FSTL5: variants seen among roughly 807,000 people sequenced by gnomAD.
FSTL5 encodes the protein follistatin-related protein 5.
Under a neutral mutation model 89.1 loss-of-function variants are expected in FSTL5, and 62 were observed. That is an observed-to-expected ratio of 0.70 (90% CI 0.57 to 0.86). The LOEUF is 0.86. Ranked by LOEUF, FSTL5 falls within the 40% of genes least tolerant of loss-of-function variation. FSTL5 has a pLI of 0.00. For missense variants in FSTL5, 1,057 were observed against 1,001.6 expected (o/e 1.06, Z -0.75); for synonymous variants, 383 against 346.2 (o/e 1.11, Z -1.18).
At chr4:161,598,299 C>G (rs111647274) in intron 7 of FSTL5, among the ~76,000 whole-genome samples, 2 of 151,820 alleles carry the variant, frequency 1.3e-5, no homozygotes, top group African/African-American at 4.8e-5. Flanking sequence ...AGCTTGAACC[C>G]GGAAGGCAGA....
At chr4:161,473,441 T>TC (rs397996014) in intron 13 of FSTL5, among the ~76,000 whole-genome samples, 1 of 150,494 alleles carries the variant, frequency 6.6e-6, no homozygotes, top group Non-Finnish European at 1.5e-5. Flanking sequence ...TTTTTTTTTT[T>TC]CTGGGACAGA....
At chr4:161,526,650 C>T (rs919049068) in intron 10 of FSTL5, among the ~76,000 whole-genome samples, 3 of 152,198 alleles carry the variant, frequency 2.0e-5, no homozygotes, top group Non-Finnish European at 4.4e-5. Context: ...GATCCAGTTT[C>T]AGCTTTCTAC....
intron 6 of FSTL5, among the ~76,000 whole-genome samples, chr4:161,750,337 A>G (rs1740353319): frequency 6.6e-6 from 1 of 152,164 alleles, no homozygotes; most frequent in Non-Finnish European, 1.5e-5. Context: ...TCCAATTGAG[A>G]TATGCTGTAC....
chr4:161,880,222 G>C (rs1173690071), intron 4 of FSTL5, among the ~76,000 whole-genome samples: 5 of 152,092 alleles, frequency 3.3e-5, no homozygotes, highest in South Asian at 2.1e-4. Flanking sequence ...GGTGTTCCAT[G>C]ATATAGTCAT....
chr4:161,866,742 C>T (rs966964899), intron 4 of FSTL5, among the ~76,000 whole-genome samples: 2 of 151,818 alleles, frequency 1.3e-5, no homozygotes, highest in Non-Finnish European at 2.9e-5. Flanking sequence ...ATTACATACA[C>T]ATTTTTCTGC....
At chr4:161,474,246 C>T (rs1052745273) in intron 13 of FSTL5, among the ~76,000 whole-genome samples, 9 of 152,062 alleles carry the variant, frequency 5.9e-5, no homozygotes, top group East Asian at 1.9e-4. Flanking sequence ...TGATCTCTTT[C>T]GGTTATGTCA....
rs1240997770 is a variant in FSTL5 at position 161,777,065 on chromosome 4, TTACTC to T, written c.410-996_410-992del. Among the ~76,000 whole-genome samples the T allele has an allele frequency of 4.6e-5, 7 of 152,052 alleles. No individual in the cohort carries two copies. In the East Asian group the frequency reaches 1.2e-3, roughly 25 times the overall value. On this transcript the variant is annotated intron_variant, in intron 4 of 15. Transcript: ENST00000306100. Reference sequence around the variant, plus strand: ...TTCCCAACCTCTGGTAACCATCACTTTACTCTACAGCCATGACTTCAATTATTTTT... The same window carrying T: ...TTCCCAACCTCTGGTAACCATCACTTTACAGCCATGACTTCAATTATTTTT...
chr4:162,114,112 T>A (rs1456821735), intron 1 of FSTL5, among the ~76,000 whole-genome samples: 2 of 152,168 alleles, frequency 1.3e-5, no homozygotes, highest in Non-Finnish European at 2.9e-5. Context: ...CAATTCCTAT[T>A]TCCACTGATG....
chr4:161,537,243 G>A (rs1399272467), intron 10 of FSTL5, among the ~76,000 whole-genome samples: 2 of 152,082 alleles, frequency 1.3e-5, no homozygotes, highest in Non-Finnish European at 2.9e-5. Flanking sequence ...TCAGAAAAAT[G>A]GGCCTGTCAA....
intron 15 of FSTL5, among the ~76,000 whole-genome samples, chr4:161,445,831 A>G (rs1732925574): frequency 6.6e-6 from 1 of 152,020 alleles, no homozygotes; most frequent in African/African-American, 2.4e-5. Context: ...AAAGAACTCT[A>G]AAACCTGACA....
intron 6 of FSTL5, among the ~76,000 whole-genome samples, chr4:161,692,017 A>T (rs1001397304): frequency 6.6e-6 from 1 of 152,084 alleles, no homozygotes; most frequent in Non-Finnish European, 1.5e-5. Context: ...AAATACATAT[A>T]TATAATCAAA....
intron 4 of FSTL5, among the ~76,000 whole-genome samples, chr4:161,800,740 T>C (rs1370957549): frequency 6.6e-6 from 1 of 151,614 alleles, no homozygotes; most frequent in Non-Finnish European, 1.5e-5. Flanking sequence ...ACCATGAAAC[T>C]TGTTACCTTA....
chr4:161,545,506 C>A (rs1731974002), intron 8 of FSTL5, among the ~76,000 whole-genome samples: 1 of 152,022 alleles, frequency 6.6e-6, no homozygotes, highest in Middle Eastern at 3.2e-3. Context: ...CCTTACCAGA[C>A]TCCAAAACTT....
At chr4:161,763,426 G>A (rs559835765) in intron 5 of FSTL5, among the ~76,000 whole-genome samples, 1 of 152,212 alleles carries the variant, frequency 6.6e-6, no homozygotes, top group South Asian at 2.1e-4. Context: ...CTGGGATTAG[G>A]GGATGATTTG....
intron 6 of FSTL5, among the ~76,000 whole-genome samples, chr4:161,698,226 G>A (rs1738250473): frequency 1.3e-5 from 2 of 152,084 alleles, no homozygotes; most frequent in African/African-American, 2.4e-5. Flanking sequence ...GAATCTGCTG[G>A]CACCTCGATC....
At chr4:161,862,030 ACCC>A (rs1731933001) in intron 4 of FSTL5, among the ~76,000 whole-genome samples, 1 of 152,170 alleles carries the variant, frequency 6.6e-6, no homozygotes, top group Admixed American at 6.5e-5. Context: ...GATCAAATTA[ACCC>A]TCAATGGGAA....
intron 4 of FSTL5, among the ~76,000 whole-genome samples, chr4:161,906,055 C>A (rs1035181180): frequency 6.6e-6 from 1 of 152,070 alleles, no homozygotes; most frequent in Non-Finnish European, 1.5e-5. Flanking sequence ...CAGTTGGAAT[C>A]AAATCTTCAC....
At chr4:161,703,610 G>A (rs1225225169) in intron 6 of FSTL5, among the ~76,000 whole-genome samples, 4 of 151,924 alleles carry the variant, frequency 2.6e-5, no homozygotes, top group Non-Finnish European at 5.9e-5. Flanking sequence ...TGCCTTATGG[G>A]ACAATGACTC....
At chr4:162,072,317 A>G (rs971154782) in intron 2 of FSTL5, among the ~76,000 whole-genome samples, 3 of 151,832 alleles carry the variant, frequency 2.0e-5, no homozygotes, top group Non-Finnish European at 4.4e-5. Flanking sequence ...CACACAGAAC[A>G]AAGATAAAAT....
Sources: gnomAD v4.1 joint callset for allele counts (sites outside exome capture counted in the v4.1 genomes callset) on GRCh38, gnomAD v4.1.1 for gene constraint, MANE v1.5 for transcripts, NCBI Gene and HGNC (gene_info 2026-07-23, HGNC 2026-07-21) for gene names.